AGBL4: variants seen among roughly 807,000 people sequenced by gnomAD.
AGBL4 encodes cytosolic carboxypeptidase 6.
Under a neutral mutation model 66.4 loss-of-function variants are expected in AGBL4, and 58 were observed. The observed-to-expected ratio is 0.87, with a 90% confidence interval of 0.71 to 1.09. AGBL4 has a LOEUF of 1.09. AGBL4 is among the 50% of genes least tolerant of loss of function. The pLI, the probability that AGBL4 is intolerant of heterozygous loss-of-function variation, is 0.00. For missense variants in AGBL4, 579 were observed against 631.0 expected (o/e 0.92, Z 0.88); for synonymous variants, 234 against 222.9 (o/e 1.05, Z -0.44).
At chr1:48,813,202 G>A (rs1295762144) in intron 6 of AGBL4, among the ~76,000 whole-genome samples, 1 of 152,164 alleles carries the variant, frequency 6.6e-6, no homozygotes, top group Non-Finnish European at 1.5e-5. Context: ...CCAGATTGGA[G>A]GCAAAGTGAG....
intron 6 of AGBL4, among the ~76,000 whole-genome samples, chr1:48,822,139 C>T (rs951962307): frequency 2.0e-5 from 3 of 152,156 alleles, no homozygotes; most frequent in Non-Finnish European, 4.4e-5. Context: ...CCTTGGAAAA[C>T]TGGAAGTTTC....
intron 9 of AGBL4, among the ~76,000 whole-genome samples, chr1:48,618,822 T>G (rs372706743): frequency 2.6e-5 from 4 of 152,192 alleles, no homozygotes; most frequent in African/African-American, 9.6e-5. Context: ...TTTCTTACAG[T>G]GGTCGGGGGA....
chr1:49,739,051 T>C (rs1014721345), intron 2 of AGBL4, among the ~76,000 whole-genome samples: 1 of 152,164 alleles, frequency 6.6e-6, no homozygotes, highest in Non-Finnish European at 1.5e-5. Flanking sequence ...CAAAGCTGGA[T>C]GGAGAATGAC....
At chr1:49,789,273 G>A (rs1447516136) in intron 2 of AGBL4, among the ~76,000 whole-genome samples, 4 of 152,158 alleles carry the variant, frequency 2.6e-5, no homozygotes, top group Admixed American at 1.3e-4. Flanking sequence ...TTGCATCAAT[G>A]TTCATCAGGG....
intron 5 of AGBL4, among the ~76,000 whole-genome samples, chr1:48,974,423 A>G (rs1476373298): frequency 6.6e-6 from 1 of 152,152 alleles, no homozygotes; most frequent in African/African-American, 2.4e-5. Flanking sequence ...TTGCATGAGA[A>G]GTACTCTGCT....
intron 3 of AGBL4, among the ~76,000 whole-genome samples, chr1:49,409,172 C>CTCTCTCT (rs762701520): frequency 1.3e-5 from 2 of 151,814 alleles, no homozygotes; most frequent in Non-Finnish European, 2.9e-5. Context: ...CTCTCTCTCT[C>CTCTCTCT]ATTTATCCTC....
intron 2 of AGBL4, among the ~76,000 whole-genome samples, chr1:49,720,715 C>T (rs1648535215): frequency 6.6e-6 from 1 of 152,058 alleles, no homozygotes; most frequent in Non-Finnish European, 1.5e-5. Flanking sequence ...AGAACAGTTG[C>T]TGCTGCATAG....
chr1:48,650,003 A>G (rs910852476), intron 8 of AGBL4, among the ~76,000 whole-genome samples: 1 of 152,198 alleles, frequency 6.6e-6, no homozygotes, highest in African/African-American at 2.4e-5. Flanking sequence ...ACCCAAGTCC[A>G]TTTTCTCAAC....
intron 9 of AGBL4, among the ~76,000 whole-genome samples, chr1:48,596,922 G>C (rs1385083557): frequency 6.6e-6 from 1 of 152,136 alleles, no homozygotes; most frequent in African/African-American, 2.4e-5. Flanking sequence ...AAGGAACCAA[G>C]GGGATGGGCC....
intron 3 of AGBL4, among the ~76,000 whole-genome samples, chr1:49,327,213 C>G (rs1174887804): frequency 6.6e-6 from 1 of 152,104 alleles, no homozygotes; most frequent in African/African-American, 2.4e-5. Context: ...TGTAAGGTAA[C>G]ATATTTAAAG....
chr1:48,908,327 C>CG (rs1652808091), intron 5 of AGBL4, among the ~76,000 whole-genome samples: 1 of 151,700 alleles, frequency 6.6e-6, no homozygotes, highest in Admixed American at 6.6e-5. Context: ...TCAAAAAATT[C>CG]GGGGAAAAAA....
chr1:49,321,682 C>A (rs1645134690), intron 3 of AGBL4, among the ~76,000 whole-genome samples: 1 of 152,172 alleles, frequency 6.6e-6, no homozygotes, highest in Admixed American at 6.6e-5. Context: ...TGTTCAATGT[C>A]CATCCATAGG....
At chr1:49,863,116 T>C (rs892040523) in intron 1 of AGBL4, among the ~76,000 whole-genome samples, 14 of 151,886 alleles carry the variant, frequency 9.2e-5, no homozygotes, top group Non-Finnish European at 1.8e-4. Flanking sequence ...TGGAACAAAA[T>C]AGAGCACACA....
In AGBL4 at chr1:49,064,801, C is replaced by T. The variant is rs578150756; in HGVS notation, c.378-19001G>A. Among the ~76,000 whole-genome samples, 17 of 152,268 alleles carry T rather than the reference C, an allele frequency of 1.1e-4. No homozygotes were observed. In the South Asian group the frequency reaches 3.5e-3, roughly 32 times the overall value. On this transcript the variant is annotated intron_variant, in intron 4 of 13. Transcript: ENST00000371839. ...ATGGTCTTTGTACTCATTTACCTCT[C>T]TGAAAAGCAATTTCTCCAACTAAAA...
chr1:49,957,456 G>A (rs1387399801), intron 1 of AGBL4, among the ~76,000 whole-genome samples: 1 of 151,766 alleles, frequency 6.6e-6, no homozygotes, highest in Non-Finnish European at 1.5e-5. Context: ...GTTGACAGTG[G>A]GGTGTTAAAG....
chr1:49,309,633 T>C (rs1557828068), intron 3 of AGBL4, among the ~76,000 whole-genome samples: 2 of 151,904 alleles, frequency 1.3e-5, no homozygotes, highest in South Asian at 2.1e-4. Context: ...TGTGTGTGCA[T>C]GTGTATGTAC....
chr1:49,045,869 T>C (rs1644066627), intron 4 of AGBL4, 69 bp from the exon 5 acceptor site: 1 of 1,286,264 alleles, frequency 7.8e-7, no homozygotes, highest in South Asian at 1.4e-5. Flanking sequence ...GTAATACATA[T>C]AAATCAATGC....
chr1:49,587,257 AAAAG>A (rs1388453163), intron 3 of AGBL4, among the ~76,000 whole-genome samples: 1 of 152,046 alleles, frequency 6.6e-6, no homozygotes. Context: ...AAAACAGAAG[AAAAG>A]AAAGAAAAGA....
intron 6 of AGBL4, chr1:48,758,830 T>A: frequency 1.5e-6 from 2 of 1,375,920 alleles, no homozygotes; most frequent in Non-Finnish European, 9.7e-7. Context: ...CCCCTTTCCC[T>A]TCCTGGAAGA....
Sources: gnomAD v4.1 joint callset for allele counts (sites outside exome capture counted in the v4.1 genomes callset) on GRCh38, gnomAD v4.1.1 for gene constraint, MANE v1.5 for transcripts, NCBI Gene and HGNC (gene_info 2026-07-23, HGNC 2026-07-21) for gene names.